Variants in ARSB observed in about 807,000 individuals in gnomAD.
ARSB encodes N-acetylgalactosamine-4-sulfatase.
ARSB carries 41 observed loss-of-function variants against 50.9 expected under a neutral mutation model. The observed-to-expected ratio is 0.81, with a 90% CI of 0.63 to 1.04. ARSB has a LOEUF of 1.04. ARSB is among the 50% of genes least tolerant of loss of function. ARSB has a pLI of 0.00. For missense variants in ARSB, 672 were observed against 693.3 expected (o/e 0.97, Z 0.35); for synonymous variants, 269 against 284.8 (o/e 0.94, Z 0.56).
intron 3 of ARSB, among the ~76,000 whole-genome samples, chr5:78,958,108 T>G (rs1357150343): frequency 6.6e-6 from 1 of 152,076 alleles, no homozygotes; most frequent in Non-Finnish European, 1.5e-5. Flanking sequence ...CCCATCCCCC[T>G]CAAATGCTAT....
chr5:78,880,079 C>T (rs1417267023), intron 5 of ARSB, among the ~76,000 whole-genome samples: 4 of 152,062 alleles, frequency 2.6e-5, no homozygotes, highest in Admixed American at 2.6e-4. Flanking sequence ...CCACTATGTA[C>T]GGTACTGAAG....
At chr5:78,875,828 C>T (rs1191135436) in intron 5 of ARSB, among the ~76,000 whole-genome samples, 1 of 151,970 alleles carries the variant, frequency 6.6e-6, no homozygotes, top group African/African-American at 2.4e-5. Flanking sequence ...CCACCACACC[C>T]AGTCAACTTT....
At chr5:78,891,576 A>G (rs1399064064) in intron 4 of ARSB, among the ~76,000 whole-genome samples, 2 of 152,186 alleles carry the variant, frequency 1.3e-5, no homozygotes, top group East Asian at 3.8e-4. Flanking sequence ...AGAAAAAGAG[A>G]TAAGATCTCT....
At position 78,874,556 on chromosome 5, in the gene ARSB, A is replaced by G. The variant is rs1747398954; in HGVS notation, c.1142+11028T>C. Among the ~76,000 whole-genome samples, 7 of 152,164 alleles carry G rather than the reference A, an allele frequency of 4.6e-5. No individual in the cohort carries two copies. The South Asian group carries it at 1.4e-3, about 31-fold the overall frequency. ...TGTATAATGATAAACAGTAGGATAA[A>G]ATATAAATTTTTCTAAATATTAAAG... On this transcript the variant is annotated intron_variant, in intron 5 of 7. Coordinates refer to ENST00000264914, the MANE Select transcript of ARSB (RefSeq NM_000046.5).
At chr5:78,809,755 C>A (rs1743737952) in intron 6 of ARSB, among the ~76,000 whole-genome samples, 1 of 152,284 alleles carries the variant, frequency 6.6e-6, no homozygotes, top group African/African-American at 2.4e-5. Flanking sequence ...TGGCAACCTG[C>A]CCATCGGACC....
At chr5:78,850,195 T>C (rs1393049468) in intron 5 of ARSB, among the ~76,000 whole-genome samples, 3 of 152,264 alleles carry the variant, frequency 2.0e-5, no homozygotes, top group Non-Finnish European at 4.4e-5. Flanking sequence ...GGCTGTGGGT[T>C]TGTCATAGAT....
chr5:78,920,540 C>G (rs1017184687), intron 4 of ARSB, among the ~76,000 whole-genome samples: 1 of 152,172 alleles, frequency 6.6e-6, no homozygotes, highest in Non-Finnish European at 1.5e-5. Flanking sequence ...TAGTGGTCCT[C>G]TACCCTGCTA....
At position 78,784,004 on chromosome 5, in the gene ARSB, T is replaced by TA. The variant is rs556018768; in HGVS notation, c.1214-2031_1214-2030insT. Among the ~76,000 whole-genome samples, 1,071 of 151,518 alleles carry TA rather than the reference T, an allele frequency of 7.1e-3. 22 individuals carry two copies. The highest frequency in any genetic ancestry group is 0.025 in the African/African-American group (1,017 of 40,844). ...AACATTTTACCATGTTTGCCTTTTT[T>TA]TAAAAAAAATAAAAGAAACTGGACA... On this transcript the variant is annotated intron_variant, in intron 6 of 7. Transcript: ENST00000264914.
chr5:78,952,550 T>C (rs920042419), intron 4 of ARSB, among the ~76,000 whole-genome samples: 1 of 152,172 alleles, frequency 6.6e-6, no homozygotes, highest in African/African-American at 2.4e-5. Context: ...TTTCCCAGGC[T>C]GGTGTTGAAC....
chr5:78,881,470 TG>T (rs1747743020), intron 5 of ARSB, among the ~76,000 whole-genome samples: 1 of 151,208 alleles, frequency 6.6e-6, no homozygotes, highest in Non-Finnish European at 1.5e-5. Context: ...TCCAAAAACC[TG>T]ACATAAAGAA....
chr5:78,876,133 A>C (rs1747465424), intron 5 of ARSB, among the ~76,000 whole-genome samples: 1 of 152,080 alleles, frequency 6.6e-6, no homozygotes, highest in African/African-American at 2.4e-5. Flanking sequence ...ATAAATAAAA[A>C]TGTTGGTAAC....
At chr5:78,871,396 C>T (rs939427936) in intron 5 of ARSB, among the ~76,000 whole-genome samples, 1 of 151,484 alleles carries the variant, frequency 6.6e-6, no homozygotes, top group East Asian at 1.9e-4. Context: ...GGAGGCATCA[C>T]ACTACCTGAC....
At chr5:78,971,092 C>T (rs906384011) in intron 1 of ARSB, among the ~76,000 whole-genome samples, 3 of 152,228 alleles carry the variant, frequency 2.0e-5, no homozygotes, top group Non-Finnish European at 4.4e-5. Flanking sequence ...GGAATAAAAA[C>T]TTCAAAGGCC....
intron 4 of ARSB, among the ~76,000 whole-genome samples, chr5:78,897,709 G>T (rs956642306): frequency 6.6e-6 from 1 of 151,974 alleles, no homozygotes; most frequent in Non-Finnish European, 1.5e-5. Flanking sequence ...TAAGGACTCA[G>T]ATATAATATT....
intron 6 of ARSB, among the ~76,000 whole-genome samples, chr5:78,809,282 C>G (rs1184401581): frequency 6.6e-6 from 1 of 152,212 alleles, no homozygotes; most frequent in Non-Finnish European, 1.5e-5. Flanking sequence ...AGGAAGCTTA[C>G]ATTTGAACTG....
At chr5:78,978,881 A>C (rs763484595) in intron 1 of ARSB, among the ~76,000 whole-genome samples, 1 of 152,248 alleles carries the variant, frequency 6.6e-6, no homozygotes, top group Non-Finnish European at 1.5e-5. Flanking sequence ...ATAAAATACT[A>C]TAAAACATAG....
At chr5:78,809,566 C>T (rs931341198) in intron 6 of ARSB, among the ~76,000 whole-genome samples, 4 of 152,244 alleles carry the variant, frequency 2.6e-5, no homozygotes, top group African/African-American at 9.6e-5. Flanking sequence ...CTCAGCTCCC[C>T]AAGTCAGCGG....
At chr5:78,905,910 C>CAA (rs57651882) in intron 4 of ARSB, among the ~76,000 whole-genome samples, 1,488 of 94,204 alleles carry the variant, frequency 0.016, 64 homozygotes, top group African/African-American at 0.048. Flanking sequence ...AGCAAAGTAG[C>CAA]AAAAAAAAAA....
chr5:78,815,937 T>C (rs1233536549), intron 6 of ARSB: 2 of 1,547,304 alleles, frequency 1.3e-6, no homozygotes, highest in African/African-American at 2.8e-5. Context: ...GAGAAGGCAC[T>C]TTTCCTATGA....
Sources: allele counts gnomAD v4.1 joint callset (sites outside exome capture counted in the v4.1 genomes callset), GRCh38; gene constraint gnomAD v4.1.1; transcripts MANE v1.5; gene names NCBI Gene and HGNC (gene_info 2026-07-23, HGNC 2026-07-21).